Variants in ARHGAP21 observed in about 807,000 individuals in gnomAD.
The protein encoded by ARHGAP21 is rho GTPase-activating protein 21.
Under a neutral mutation model 164.6 loss-of-function variants are expected in ARHGAP21, and 38 were observed. The ratio of observed to expected loss-of-function variants is 0.23; its 90% CI spans 0.18 to 0.30. The LOEUF (loss-of-function observed/expected upper bound fraction) is 0.30. ARHGAP21 is among the 10% of genes least tolerant of loss of function. ARHGAP21 has a pLI of 1.00. For missense variants in ARHGAP21, 1,822 were observed against 2,370.7 expected, an observed-to-expected ratio of 0.77 and a Z score of 4.81; for synonymous variants, 766 against 857.9, an observed-to-expected ratio of 0.89 and a Z score of 1.87.
At chr10:24,588,848 A>G (rs898316623) in intron 25 of ARHGAP21, among the ~76,000 whole-genome samples, 8 of 152,190 alleles carry the variant, frequency 5.3e-5, no homozygotes, top group African/African-American at 1.9e-4. Context: ...TTTACAGATG[A>G]TATGATGCTT....
chr10:24,698,014 A>G (rs1843333708), intron 2 of ARHGAP21, among the ~76,000 whole-genome samples: 1 of 152,194 alleles, frequency 6.6e-6, no homozygotes, highest in Admixed American at 6.5e-5. Flanking sequence ...AGTAGCTCCC[A>G]CATTTGCTTA....
rs779903853 is a variant in ARHGAP21 at position 24,595,803 on chromosome 10, T to TACAAAATAGAAATATAGTA, written c.3634-27_3634-9dup. 3.1e-6 allele frequency: 5 copies of TACAAAATAGAAATATAGTA among 1,612,574 alleles called. No individual in the cohort carries two copies. Among genetic ancestry groups the TACAAAATAGAAATATAGTA allele is most frequent in the Non-Finnish European group, 4.2e-6 (5 of 1,179,422 alleles). On this transcript the variant is annotated splice_polypyrimidine_tract_variant and intron_variant, in intron 18 of 25. Transcript: ENST00000396432. ...ATTCAAATCTCGCCATTTCTAGGTG[T>TACAAAATAGAAATATAGTA]ACAAAATAGAAATATAGTATTTTCA...
chr10:24,713,481 A>T (rs575764565), intron 2 of ARHGAP21, among the ~76,000 whole-genome samples: 1 of 152,128 alleles, frequency 6.6e-6, no homozygotes, highest in Non-Finnish European at 1.5e-5. Flanking sequence ...TGATCTGTCT[A>T]CTTACCCCGA....
rs538264106 is a variant in ARHGAP21 at position 24,688,093 on chromosome 10, C to T, written c.64-17696G>A. On this transcript the variant is annotated intron_variant, in intron 2 of 25. Transcript: ENST00000396432. ...TAGCTAGAAGGAAAGTCAGAGATAA[C>T]AGAATTCAATTTGGTGGCCAGGTGG... is the stretch of plus-strand genomic sequence containing the variant. 6.6e-5 allele frequency among the ~76,000 whole-genome samples: 10 copies of T among 152,282 alleles called. No individual in the cohort carries two copies. The East Asian group carries it at 1.9e-3, about 29-fold the overall frequency.
intron 4 of ARHGAP21, among the ~76,000 whole-genome samples, chr10:24,650,754 G>A (rs562574816): frequency 2.0e-5 from 3 of 152,254 alleles, no homozygotes; most frequent in African/African-American, 4.8e-5. Flanking sequence ...AAAGCTAGAC[G>A]ATGTATAACC....
chr10:24,625,826 T>C (rs1021406326), intron 7 of ARHGAP21, among the ~76,000 whole-genome samples: 3 of 152,180 alleles, frequency 2.0e-5, no homozygotes, highest in Non-Finnish European at 2.9e-5. Flanking sequence ...CACATATCCA[T>C]AGAGCAGCAA....
chr10:24,712,390 G>A (rs978604369), intron 2 of ARHGAP21, among the ~76,000 whole-genome samples: 6 of 152,162 alleles, frequency 3.9e-5, no homozygotes, highest in African/African-American at 1.4e-4. Context: ...ATTCATGGGA[G>A]ATTGGTTCCA....
intron 2 of ARHGAP21, among the ~76,000 whole-genome samples, chr10:24,691,996 A>G (rs912769146): frequency 2.6e-5 from 4 of 152,268 alleles, no homozygotes; most frequent in African/African-American, 9.6e-5. Context: ...TAAGCTAGAA[A>G]TAAGAAACAT....
chr10:24,586,943 G>A (rs937696888), intron 25 of ARHGAP21, among the ~76,000 whole-genome samples: 3 of 152,070 alleles, frequency 2.0e-5, no homozygotes, highest in African/African-American at 7.2e-5. Flanking sequence ...GGGAGGCCGA[G>A]GTCAGAGGAT....
At chr10:24,665,399 T>C (rs1840091039) in intron 4 of ARHGAP21, among the ~76,000 whole-genome samples, 2 of 151,980 alleles carry the variant, frequency 1.3e-5, no homozygotes, top group Admixed American at 6.6e-5. Flanking sequence ...ACAGGTTGAG[T>C]GGTTAAACAA....
chr10:24,585,872 T>C lies in ARHGAP21; in HGVS notation c.4417A>G (p.Ile1473Val), dbSNP rs373721050. The change falls in exon 26 of 26, where the codon ATT becomes GTT. Residue 1473 changes from isoleucine to valine, a missense_variant. By Grantham distance (29) the Ile-to-Val change is conservative. Coordinates refer to ENST00000396432, the MANE Select transcript of ARHGAP21 (RefSeq NM_020824.4). ...ETLGRKQKII[I>V]AKENSTRKDP... ...TTCCTAGTGCTGTTTTCTTTGGCAA[T>C]GATGATCTTCTGTTTTCTGCCCAGT... The C allele has an allele frequency of 5.1e-5, 83 of 1,613,928 alleles. No homozygotes were observed. The highest frequency in any genetic ancestry group is 6.3e-5 in the Non-Finnish European group (74 of 1,179,902).
rs1318952996 is a variant in ARHGAP21 at position 24,583,833 on chromosome 10, T to C, written c.*579A>G. The C allele has an allele frequency of 1.3e-5, 2 of 152,586 alleles. No individual in the cohort carries two copies. Among genetic ancestry groups the C allele is most frequent in the African/African-American group, 4.8e-5 (2 of 41,412 alleles). The allele number at this position is 152,586 out of a possible 1,614,324, so 9.5% of individuals were successfully genotyped here. A position where few individuals can be genotyped will look rare whatever the true frequency, so the allele number is the denominator to read the frequency against. ...TTAATATGTTCATTTAAGTTACGTA[T>C]TTTACAGAAAGATTAAAAATTCAAG... On this transcript the variant is annotated 3_prime_UTR_variant, in exon 26 of 26. Transcript: ENST00000396432.
intron 6 of ARHGAP21, 113 bp from the exon 7 acceptor site, chr10:24,630,163 G>C (rs928354381): frequency 9.5e-6 from 5 of 529,096 alleles, no homozygotes; most frequent in Non-Finnish European, 1.3e-5. Context: ...GTTTATTCTG[G>C]TTTTCTTATA....
At chr10:24,626,302 GT>G (rs1835134306) in intron 7 of ARHGAP21, among the ~76,000 whole-genome samples, 1 of 152,168 alleles carries the variant, frequency 6.6e-6, no homozygotes, top group Admixed American at 6.5e-5. Flanking sequence ...CGGTCTGAAT[GT>G]TTGTGTGTTC....
Position 24,600,715 on chromosome 10 carries a change from C to A in ARHGAP21, c.3063G>T (p.Gln1021His), listed in dbSNP as rs1592972315. The change falls in exon 14 of 26, where the codon CAG becomes CAT. Residue 1021 changes from glutamine to histidine, a missense_variant. Around this residue, in one of 5 missense-constraint regions of ARHGAP21, gnomAD observed 1,090 missense variants for 1,378.9 expected, o/e 0.79. Coordinates refer to ENST00000396432, the MANE Select transcript of ARHGAP21 (RefSeq NM_020824.4). ...CTAGCATATCATCTCTGTCTTCAGC[C>A]TGAAACAGGCATTCACAGTCGGACG... is the stretch of plus-strand genomic sequence containing the variant. ...LTTSDCECLF[Q>H]AEDRDDMLAW... is the part of the protein sequence containing the mutation. 1 of 1,613,968 alleles carries A rather than the reference C, an allele frequency of 6.2e-7. No homozygotes were observed. Among genetic ancestry groups the A allele is most frequent in the Non-Finnish European group, 8.5e-7 (1 of 1,179,866 alleles).
intron 24 of ARHGAP21, 83 bp from the exon 25 acceptor site, chr10:24,589,385 A>G: frequency 7.8e-7 from 1 of 1,281,592 alleles, no homozygotes; most frequent in African/African-American, 1.5e-5. Context: ...ATGGAAAGAC[A>G]GGCACAGAAC....
chr10:24,595,223 T>G, intron 19 of ARHGAP21, 33 bp from the exon 20 acceptor site: 1 of 1,547,128 alleles, frequency 6.5e-7, no homozygotes, highest in Non-Finnish European at 8.9e-7. Context: ...AAATTTATCT[T>G]AAATTGCCTA....
chr10:24,676,937 C>T (rs1361265608), intron 2 of ARHGAP21, among the ~76,000 whole-genome samples: 1 of 152,172 alleles, frequency 6.6e-6, no homozygotes, highest in Non-Finnish European at 1.5e-5. Context: ...GGCACAGTGG[C>T]TCACACCTGT....
At chr10:24,596,912 A>G (rs2076608006) in intron 16 of ARHGAP21, 30 bp from the exon 17 acceptor site, 2 of 1,580,334 alleles carry the variant, frequency 1.3e-6, no homozygotes. Context: ...ATAAAACAAC[A>G]TAATAAAATG....
Sources: gnomAD v4.1 joint callset for allele counts (sites outside exome capture counted in the v4.1 genomes callset) on GRCh38, gnomAD v4.1.1 for gene constraint, gnomAD v4.1.1 regional missense constraint, MANE v1.5 for transcripts, NCBI Gene and HGNC (gene_info 2026-07-23, HGNC 2026-07-21) for gene names.